The following ZNF618 variants were observed in gnomAD, a reference collection of about 807,000 sequenced individuals.
ZNF618 encodes neural precursor cell expressed, developmentally down-regulated 10.
A neutral mutation model predicts 103.0 loss-of-function variants in ZNF618; 34 were observed. The ratio of observed to expected loss-of-function variants is 0.33; its 90% CI spans 0.25 to 0.44. ZNF618 has a LOEUF of 0.44. Ranked by LOEUF, ZNF618 falls within the 20% of genes least tolerant of loss-of-function variation. ZNF618 has a pLI of 1.00. For synonymous variants in ZNF618, 551 were observed against 542.2 expected (o/e 1.02, Z -0.23); for missense variants, 1,059 against 1,295.4 (o/e 0.82, Z 2.80).
At chr9:113,935,484 C>G (rs1833950089) in intron 1 of ZNF618, among the ~76,000 whole-genome samples, 2 of 152,310 alleles carry the variant, frequency 1.3e-5, no homozygotes, top group Middle Eastern at 3.4e-3. Flanking sequence ...CCACCTGGCC[C>G]TGGAAACACC....
At chr9:113,927,166 G>T (rs943229996) in intron 1 of ZNF618, among the ~76,000 whole-genome samples, 2 of 152,148 alleles carry the variant, frequency 1.3e-5, no homozygotes, top group African/African-American at 4.8e-5. Flanking sequence ...CTAGTAGTAG[G>T]TACAGAGGTA....
Position 114,011,792 on chromosome 9 carries a change from C to T in ZNF618, c.754+3238C>T, listed in dbSNP as rs1001441547. Among the ~76,000 whole-genome samples the T allele has an allele frequency of 5.9e-5, 9 of 152,272 alleles. No individual in the cohort carries two copies. The South Asian group carries it at 1.9e-3, about 32-fold the overall frequency. ...TTAGGTACTTAGGTTGGAAGAAGCCCAGGCAATGACAGAGCAGAGAATCCT... is the reference window on the plus strand; with the variant it reads ...TTAGGTACTTAGGTTGGAAGAAGCCTAGGCAATGACAGAGCAGAGAATCCT... On this transcript the variant is annotated intron_variant, in intron 9 of 14. Transcript: ENST00000374126.
intron 1 of ZNF618, among the ~76,000 whole-genome samples, chr9:113,935,132 G>A (rs956917357): frequency 6.6e-6 from 1 of 152,152 alleles, no homozygotes; most frequent in Non-Finnish European, 1.5e-5. Context: ...TGGGGCTGCC[G>A]ACGAGGGTCC....
rs3034065 is a variant in ZNF618 at position 113,884,774 on chromosome 9, CAGAGAGAGAGAG to C, written c.33+8389_33+8400del. Among the ~76,000 whole-genome samples the C allele has an allele frequency of 8.2e-4, 117 of 142,286 alleles. 2 individuals carry two copies. Among genetic ancestry groups the C allele is most frequent in the East Asian group, 5.9e-3 (28 of 4,734 alleles). The allele number at this position is 142,286 out of a possible 152,430, so 93.3% of individuals were successfully genotyped here. On this transcript the variant is annotated intron_variant, in intron 1 of 14. Transcript: ENST00000374126. Reference sequence around the variant, plus strand: ...CCTTCCTTATCGAGACACAAACACACAGAGAGAGAGAGAGAGAGAGAGAGAGAGAGAGAGAGA... The same window carrying C: ...CCTTCCTTATCGAGACACAAACACACAGAGAGAGAGAGAGAGAGAGAGAGA...
At chr9:113,944,914 G>A (rs1834871850) in intron 1 of ZNF618, among the ~76,000 whole-genome samples, 1 of 152,190 alleles carries the variant, frequency 6.6e-6, no homozygotes, top group African/African-American at 2.4e-5. Context: ...TGGCAACCAT[G>A]TTGGACAGTG....
At chr9:113,966,041 A>G (rs1837378186) in intron 1 of ZNF618, among the ~76,000 whole-genome samples, 1 of 152,104 alleles carries the variant, frequency 6.6e-6, no homozygotes, top group Non-Finnish European at 1.5e-5. Flanking sequence ...CATCTTATAC[A>G]TATCATTCTG....
intron 3 of ZNF618, among the ~76,000 whole-genome samples, chr9:113,996,139 G>A (rs1043000213): frequency 6.6e-6 from 1 of 152,130 alleles, no homozygotes; most frequent in African/African-American, 2.4e-5. Context: ...AAGCCCCAGA[G>A]CCTCAGGAAA....
chr9:113,991,617 T>C (rs947149963), intron 3 of ZNF618, among the ~76,000 whole-genome samples: 4 of 152,204 alleles, frequency 2.6e-5, no homozygotes, highest in African/African-American at 9.7e-5. Context: ...CTTTTTCCCA[T>C]CTAAGAAGTA....
rs747210539 is a variant in ZNF618, at chr9:114,050,073, A to C, written c.2771A>C (p.Asn924Thr). 5.0e-6 allele frequency: 8 copies of C among 1,613,332 alleles called. No individual in the cohort carries two copies. In the East Asian group the frequency reaches 1.8e-4, roughly 36 times the overall value. Residue 924 changes from asparagine to threonine, a missense_variant, in exon 15 of 15, where the codon AAT (asparagine) becomes ACT (threonine). This residue lies in a region of ZNF618 where 156 missense variants were observed against 197.1 expected (regional missense o/e 0.79). Transcript: ENST00000374126. Reference protein sequence around the residue: ...PAVGARSGCVNMCEQALLIKR... With the variant: ...PAVGARSGCVTMCEQALLIKR... ...GTGGGCGCCAGAAGCGGGTGTGTAA[A>C]TATGTGTGAACAAGCGCTTCTAATC...
chr9:113,958,818 A>G (rs1836557187), intron 1 of ZNF618, among the ~76,000 whole-genome samples: 1 of 151,964 alleles, frequency 6.6e-6, no homozygotes, highest in Admixed American at 6.6e-5. Flanking sequence ...GGACTTTGAC[A>G]TCTACCCCCA....
intron 1 of ZNF618, among the ~76,000 whole-genome samples, chr9:113,954,342 T>A (rs1836048096): frequency 6.6e-6 from 1 of 152,094 alleles, no homozygotes; most frequent in Admixed American, 6.5e-5. Flanking sequence ...GAGGAGAGCA[T>A]TACCCTTTCA....
chr9:114,050,399 G>T lies in ZNF618; in HGVS notation c.*232G>T. On this transcript the variant is annotated 3_prime_UTR_variant, in exon 15 of 15. Coordinates refer to ENST00000374126, the MANE Select transcript of ZNF618 (RefSeq NM_001318042.2). ...GCTGTGGTTGTGGGGGTGTGGGGGG[G>T]TCTCTGTGCTCATCTCCATGGCCAG... 1 of 479,116 alleles carries T rather than the reference G, an allele frequency of 2.1e-6. No homozygotes were observed. The highest frequency in any genetic ancestry group is 3.1e-5 in the South Asian group (1 of 32,032). 29.7% of individuals were successfully genotyped at this position (479,116 alleles called of 1,614,324 possible). A position where few individuals can be genotyped will look rare whatever the true frequency, so the allele number is the denominator to read the frequency against.
intron 1 of ZNF618, among the ~76,000 whole-genome samples, chr9:113,934,484 C>T (rs1021977125): frequency 3.9e-5 from 6 of 152,170 alleles, no homozygotes; most frequent in Admixed American, 6.5e-5. Context: ...ACATGGAACG[C>T]GCTGAAGCCC....
chr9:113,938,890 T>C (rs1168787198), intron 1 of ZNF618, among the ~76,000 whole-genome samples: 7 of 152,186 alleles, frequency 4.6e-5, no homozygotes, highest in Admixed American at 3.9e-4. Context: ...TATTTTCTGA[T>C]TGATTATTGT....
intron 3 of ZNF618, among the ~76,000 whole-genome samples, chr9:113,996,612 C>T (rs78906790): frequency 0.019 from 2,821 of 152,228 alleles, 101 homozygotes; most frequent in African/African-American, 0.064. Flanking sequence ...TCAGTGGGAG[C>T]TGTGAACTCG....
intron 1 of ZNF618, among the ~76,000 whole-genome samples, chr9:113,936,491 C>G (rs1294128139): frequency 6.6e-6 from 1 of 152,194 alleles, no homozygotes; most frequent in African/African-American, 2.4e-5. Flanking sequence ...GTTTGTTGTT[C>G]AGGAGTTGCA....
intron 1 of ZNF618, among the ~76,000 whole-genome samples, chr9:113,959,404 A>T (rs1202513176): frequency 6.6e-6 from 1 of 152,210 alleles, no homozygotes; most frequent in Non-Finnish European, 1.5e-5. Flanking sequence ...CAGCTGGGGG[A>T]ATAGAATGAA....
intron 1 of ZNF618, among the ~76,000 whole-genome samples, chr9:113,967,164 A>AT (rs1324563446): frequency 6.6e-6 from 1 of 152,248 alleles, no homozygotes; most frequent in Non-Finnish European, 1.5e-5. Context: ...CGAGAGATCC[A>AT]TTTGGGAGTT....
intron 1 of ZNF618, among the ~76,000 whole-genome samples, chr9:113,944,707 A>G (rs1040736013): frequency 3.3e-5 from 5 of 152,258 alleles, no homozygotes; most frequent in African/African-American, 4.8e-5. Context: ...ATTAATTTTC[A>G]TAACATATTT....
Sources: gnomAD v4.1 joint callset for allele counts (sites outside exome capture counted in the v4.1 genomes callset) on GRCh38, gnomAD v4.1.1 for gene constraint, gnomAD v4.1.1 regional missense constraint, MANE v1.5 for transcripts, NCBI Gene and HGNC (gene_info 2026-07-23, HGNC 2026-07-21) for gene names.